The following SOX6 variants were observed in gnomAD, a reference collection of about 807,000 sequenced individuals.
SOX6 encodes SRY-box transcription factor 6.
A neutral mutation model predicts 97.8 loss-of-function variants in SOX6; 11 were observed. That is an observed-to-expected ratio of 0.11 (90% CI 0.07 to 0.19). SOX6 has a LOEUF of 0.19. SOX6 is among the 10% of genes least tolerant of loss of function. SOX6 has a pLI of 1.00. For synonymous variants in SOX6, 360 were observed against 371.4 expected (o/e 0.97, Z 0.35); for missense variants, 810 against 1,039.5 (o/e 0.78, Z 3.04).
intron 4 of SOX6, among the ~76,000 whole-genome samples, chr11:16,510,451 A>G (rs1286058507): frequency 6.6e-6 from 1 of 152,024 alleles, no homozygotes; most frequent in Non-Finnish European, 1.5e-5. Context: ...ATTTCTTCAG[A>G]TTACAAAGCC....
chr11:16,048,943 C>T (rs1725560487), intron 11 of SOX6, among the ~76,000 whole-genome samples: 2 of 151,996 alleles, frequency 1.3e-5, no homozygotes, highest in Admixed American at 6.6e-5. Context: ...TTGTTTCATC[C>T]CACTTATATA....
At chr11:16,483,604 C>G (rs1860382416) in intron 4 of SOX6, among the ~76,000 whole-genome samples, 1 of 152,118 alleles carries the variant, frequency 6.6e-6, no homozygotes, top group Non-Finnish European at 1.5e-5. Flanking sequence ...GCTGGACACA[C>G]CCTCGCTGGC....
At chr11:16,433,449 A>G (rs1480091169) in intron 1 of SOX6, among the ~76,000 whole-genome samples, 1 of 152,120 alleles carries the variant, frequency 6.6e-6, no homozygotes, top group Non-Finnish European at 1.5e-5. Context: ...TGGTCTATTA[A>G]AAGACCTTAT....
chr11:16,284,391 G>A (rs188374774), intron 3 of SOX6, among the ~76,000 whole-genome samples: 19 of 152,140 alleles, frequency 1.2e-4, no homozygotes, highest in East Asian at 1.9e-4. Context: ...TTTACTGTAC[G>A]TGGATATAGA....
At chr11:16,307,538 C>T (rs1855478987) in intron 3 of SOX6, among the ~76,000 whole-genome samples, 1 of 152,126 alleles carries the variant, frequency 6.6e-6, no homozygotes, top group African/African-American at 2.4e-5. Context: ...CTCCCCTGTC[C>T]ATAACATAAG....
intron 1 of SOX6, among the ~76,000 whole-genome samples, chr11:16,367,045 T>G (rs914824520): frequency 9.9e-5 from 15 of 152,190 alleles, no homozygotes; most frequent in African/African-American, 3.6e-4. Flanking sequence ...GAATAACTAG[T>G]TCATCCAAAG....
chr11:16,399,311 A>C (rs1858476376), intron 1 of SOX6, among the ~76,000 whole-genome samples: 1 of 151,122 alleles, frequency 6.6e-6, no homozygotes, highest in African/African-American at 2.4e-5. Context: ...TCCATAGATA[A>C]CTTAAAGCAG....
At chr11:16,730,029 A>AATATATATATATATATATATATATAT (rs34591978) in intron 2 of SOX6, among the ~76,000 whole-genome samples, 2 of 142,620 alleles carry the variant, frequency 1.4e-5, no homozygotes, top group African/African-American at 5.2e-5. Flanking sequence ...AACTATCCTA[A>AATATATATATATATATATATATATAT]ATATATATAT....
At chr11:16,566,269 T>C (rs913424995) in intron 4 of SOX6, among the ~76,000 whole-genome samples, 2 of 152,192 alleles carry the variant, frequency 1.3e-5, no homozygotes, top group African/African-American at 4.8e-5. Flanking sequence ...GAAGTCTTCA[T>C]GAACCTTCTG....
intron 2 of SOX6, among the ~76,000 whole-genome samples, chr11:16,726,934 A>T (rs1848310699): frequency 6.6e-6 from 1 of 152,202 alleles, no homozygotes; most frequent in African/African-American, 2.4e-5. Context: ...TTTATTTTCC[A>T]TGTCTTTTCC....
intron 3 of SOX6, among the ~76,000 whole-genome samples, chr11:16,643,481 C>T (rs555973835): frequency 6.6e-6 from 1 of 152,324 alleles, no homozygotes; most frequent in East Asian, 1.9e-4. Flanking sequence ...GTTTCTGCTG[C>T]CTTTTGTTTG....
intron 6 of SOX6, among the ~76,000 whole-genome samples, chr11:16,138,350 G>A (rs1183648022): frequency 6.6e-6 from 1 of 151,964 alleles, no homozygotes; most frequent in African/African-American, 2.4e-5. Context: ...AAAAGAGCCA[G>A]GATTCAAAAA....
intron 3 of SOX6, among the ~76,000 whole-genome samples, chr11:16,685,394 A>G (rs550394769): frequency 6.6e-6 from 1 of 152,340 alleles, no homozygotes; most frequent in South Asian, 2.1e-4. Context: ...CTAAGATACA[A>G]TGGGAGTATT....
chr11:16,351,901 G>A (rs1218127814), intron 1 of SOX6, among the ~76,000 whole-genome samples: 1 of 151,768 alleles, frequency 6.6e-6, no homozygotes, highest in Admixed American at 6.6e-5. Context: ...ACTTCTCAAG[G>A]GTGAGAACAA....
At chr11:16,396,125 T>TTAA (rs1160711667) in intron 1 of SOX6, among the ~76,000 whole-genome samples, 1 of 151,712 alleles carries the variant, frequency 6.6e-6, no homozygotes, top group Non-Finnish European at 1.5e-5. Context: ...TAGGGGTTCT[T>TTAA]TAATTAGCTT....
Position 16,257,887 on chromosome 11 carries a change from G to A in SOX6, c.446-23216C>T, listed in dbSNP as rs1853741475. Among the ~76,000 whole-genome samples, 3 of 151,802 alleles carry A rather than the reference G, an allele frequency of 2.0e-5. No homozygotes were observed. The South Asian group carries it at 6.2e-4, about 32-fold the overall frequency. ...AAAACAACAATCCAATTAAAAAATG[G>A]TAAAAGACCTGAACAGACACCACCA... On this transcript the variant is annotated intron_variant, in intron 3 of 15. Transcript: ENST00000683767.
chr11:16,614,577 C>A (rs1210374520), intron 3 of SOX6, among the ~76,000 whole-genome samples: 2 of 152,188 alleles, frequency 1.3e-5, no homozygotes, highest in Non-Finnish European at 2.9e-5. Context: ...GCCTTTTTCG[C>A]TCACCGTTCT....
intron 4 of SOX6, among the ~76,000 whole-genome samples, chr11:16,485,843 A>G (rs1430766646): frequency 6.8e-6 from 1 of 146,244 alleles, no homozygotes; most frequent in East Asian, 2.1e-4. Context: ...GCAGTGAATT[A>G]TGATCACGCC....
intron 1 of SOX6, among the ~76,000 whole-genome samples, chr11:16,373,869 AAGGAAGGAAGGAAGGAAGGGAGGGAGGG>A (rs1857569515): frequency 6.3e-5 from 2 of 31,850 alleles, no homozygotes; most frequent in African/African-American, 1.6e-4. Flanking sequence ...GGAAGGAAGG[AAGGAAGGAAGGAAGGAAGGGAGGGAGGG>A]AGGAAGGGAG....
Sources: allele counts gnomAD v4.1 joint callset (sites outside exome capture counted in the v4.1 genomes callset), GRCh38; gene constraint gnomAD v4.1.1; transcripts MANE v1.5; gene names NCBI Gene and HGNC (gene_info 2026-07-23, HGNC 2026-07-21).